The following CCDC73 variants were observed in gnomAD, a reference collection of about 807,000 sequenced individuals.
CCDC73 encodes coiled-coil domain-containing protein 73.
In CCDC73, 95 loss-of-function variants were observed where a neutral mutation model predicts 116.5. The ratio of observed to expected loss-of-function variants is 0.82; its 90% CI spans 0.69 to 0.97. The LOEUF is 0.97. CCDC73 is among the 50% of genes least tolerant of loss of function. The pLI is 0.00. For missense variants in CCDC73, 1,066 were observed against 1,206.8 expected (o/e 0.88, Z 1.73); for synonymous variants, 398 against 401.3 (o/e 0.99, Z 0.10).
rs186724357 is a variant in CCDC73 at position 32,669,607 on chromosome 11, G to A, written c.645+5958C>T. On this transcript the variant is annotated intron_variant, in intron 9 of 17. Transcript: ENST00000335185. The stretch of plus-strand genomic sequence containing the variant: ...ACCACACCCATCTTCCCCCCACCCC[G>A]CCCCTCACTACATTTCCCAGGCTCT... Among the ~76,000 whole-genome samples, 20 of 111,876 alleles carry A rather than the reference G, an allele frequency of 1.8e-4. No homozygotes were observed. The East Asian group carries it at 2.3e-3, about 13-fold the overall frequency. The allele number at this position is 111,876 out of a possible 152,430, so 73.4% of individuals were successfully genotyped here.
At chr11:32,659,384 C>T (rs1855901676) in intron 9 of CCDC73, among the ~76,000 whole-genome samples, 1 of 152,152 alleles carries the variant, frequency 6.6e-6, no homozygotes. Context: ...TGTATGCCGT[C>T]ATGCACATGA....
At chr11:32,798,915 T>TGG (rs35135170), upstream of CCDC73, among the ~76,000 whole-genome samples, 4,966 of 142,998 alleles carry the variant, frequency 0.035, 173 homozygotes, top group African/African-American at 0.074. Flanking sequence ...TTGTTTGTTT[T>TGG]GGGGGGGGGC....
chr11:32,776,993 AT>A (rs1850541560), intron 1 of CCDC73, among the ~76,000 whole-genome samples: 1 of 38,908 alleles, frequency 2.6e-5, no homozygotes, highest in African/African-American at 1.1e-4. Flanking sequence ...ACACATGTAT[AT>A]ATATATATAT....
chr11:32,755,940 TCC>T (rs1490770563), intron 2 of CCDC73, among the ~76,000 whole-genome samples: 5 of 13,620 alleles, frequency 3.7e-4, no homozygotes, highest in African/African-American at 1.2e-3. Context: ...TATATATATC[TCC>T]ATATATATAT....
chr11:32,699,256 G>C lies in CCDC73; in HGVS notation c.385C>G (p.Leu129Val), dbSNP rs1267595342. The change falls in exon 6 of 18, where the codon CTA becomes GTA. Residue 129 changes from leucine to valine, a missense_variant. Physicochemically the swap from Leu to Val is conservative, Grantham distance 32. Transcript: ENST00000335185. ...CAATACGTAGTTATTTTTACCTGTA[G>C]TGCTTTTAATGTTTCCTTCAATCCT... is the stretch of plus-strand genomic sequence containing the variant. ...IEGLKETLKA[L>V]QVSKYSLQKK... The C allele has an allele frequency of 2.5e-6, 4 of 1,580,452 alleles. No individual in the cohort carries two copies. The African/African-American group carries it at 5.4e-5, about 21-fold the overall frequency.
At chr11:32,648,603 G>A (rs1855799842) in intron 12 of CCDC73, among the ~76,000 whole-genome samples, 1 of 151,462 alleles carries the variant, frequency 6.6e-6, no homozygotes, top group South Asian at 2.1e-4. Context: ...CCAGGCTGGA[G>A]TGCAGTGGTG....
intron 2 of CCDC73, among the ~76,000 whole-genome samples, chr11:32,730,159 T>A (rs1850062800): frequency 1.3e-5 from 2 of 152,340 alleles, no homozygotes; most frequent in East Asian, 3.9e-4. Context: ...ATTTTACAGG[T>A]TTGACAGAAG....
Position 32,683,588 on chromosome 11 carries a change from G to A in CCDC73, c.391-14C>T. 4 of 1,431,044 alleles carry A rather than the reference G, an allele frequency of 2.8e-6. No individual in the cohort carries two copies. Among genetic ancestry groups the A allele is most frequent in the Middle Eastern group, 2.5e-4 (1 of 4,068 alleles). 88.6% of individuals were successfully genotyped at this position (1,431,044 alleles called of 1,614,324 possible). On this transcript the variant is annotated splice_polypyrimidine_tract_variant and intron_variant, in intron 6 of 17. Coordinates refer to ENST00000335185, the MANE Select transcript of CCDC73 (RefSeq NM_001008391.4). ...GTATTTAGAAACCTTGAAAAATAAG[G>A]GGGAAAAATCTCATTAAAATACTTT...
intron 10 of CCDC73, among the ~76,000 whole-genome samples, chr11:32,654,252 C>A (rs1352795383): frequency 6.6e-6 from 1 of 152,220 alleles, no homozygotes; most frequent in African/African-American, 2.4e-5. Context: ...TGGCTCACTG[C>A]AACCTCCACC....
At chr11:32,616,197 GATA>G in intron 14 of CCDC73, 68 bp from the exon 15 acceptor site, 1 of 1,392,530 alleles carries the variant, frequency 7.2e-7, no homozygotes, top group Non-Finnish European at 9.6e-7. Context: ...GAGCAAATGT[GATA>G]AATGTGGAAT....
chr11:32,784,283 C>G (rs1206718692), intron 1 of CCDC73, among the ~76,000 whole-genome samples: 1 of 151,306 alleles, frequency 6.6e-6, no homozygotes, highest in Non-Finnish European at 1.5e-5. Context: ...GAGCCAAGAT[C>G]GCGCCACTGC....
At chr11:32,823,793 G>A in the CCDC73 span, among the ~76,000 whole-genome samples, 13 of 152,190 alleles carry the variant, frequency 8.5e-5, no homozygotes, top group African/African-American at 3.1e-4. Context: ...AAGCTGGAGT[G>A]CAGTGGTGCA....
chr11:32,785,090 C>T (rs1288845837), intron 1 of CCDC73, among the ~76,000 whole-genome samples: 2 of 151,902 alleles, frequency 1.3e-5, no homozygotes, highest in East Asian at 1.9e-4. Flanking sequence ...CACTTGAACC[C>T]GGGAGGTAGA....
chr11:32,801,640 CA>C, the CCDC73 span, among the ~76,000 whole-genome samples: 23,674 of 130,122 alleles, frequency 0.18, 2,045 homozygotes, highest in African/African-American at 0.26. Flanking sequence ...GACTCCATCT[CA>C]AAAAAAAAAA....
intron 9 of CCDC73, among the ~76,000 whole-genome samples, chr11:32,664,427 G>A (rs1855960491): frequency 6.6e-6 from 1 of 152,150 alleles, no homozygotes; most frequent in South Asian, 2.1e-4. Context: ...ATGTGTCCAG[G>A]AATTTATTCA....
chr11:32,736,475 CAGTT>C (rs1850129967), intron 2 of CCDC73, among the ~76,000 whole-genome samples: 1 of 152,176 alleles, frequency 6.6e-6, no homozygotes, highest in South Asian at 2.1e-4. Flanking sequence ...CATCTCACAT[CAGTT>C]AGAACGGCGA....
chr11:32,784,069 C>T (rs1319191455), intron 1 of CCDC73, among the ~76,000 whole-genome samples: 2 of 152,202 alleles, frequency 1.3e-5, no homozygotes, highest in Non-Finnish European at 2.9e-5. Flanking sequence ...GTGGCCCACG[C>T]CTATAATCTC....
rs530542301 is a variant in CCDC73, at chr11:32,734,973, T to A, written c.136-16826A>T. On this transcript the variant is annotated intron_variant, in intron 2 of 17. Coordinates refer to ENST00000335185, the MANE Select transcript of CCDC73 (RefSeq NM_001008391.4). The stretch of plus-strand genomic sequence containing the variant: ...GGCCTTTGACAAAATTCAACAGCCT[T>A]TCATGCTAAAAACTCTCAATAAATT... 9.2e-3 allele frequency among the ~76,000 whole-genome samples: 1,399 copies of A among 152,302 alleles called. 12 individuals carry two copies. Among genetic ancestry groups the A allele is most frequent in the Middle Eastern group, 0.031 (9 of 294 alleles).
chr11:32,653,219 G>T lies in CCDC73; in HGVS notation c.843C>A (p.Ile281=). 6.2e-7 allele frequency: 1 copy of T among 1,602,498 alleles called. No homozygotes were observed. Among genetic ancestry groups the T allele is most frequent in the South Asian group, 1.1e-5 (1 of 89,960 alleles). ...ACTGCTGCATATGTTGGAAAGAAAT[G>T]ATGATATCCTTTGAAAATACACAAA... is the stretch of plus-strand genomic sequence containing the variant. ...THIQEEKQDI[I]ISFQHMQQLL... is the part of the protein sequence containing the mutation. Residue 281 remains isoleucine (I), a synonymous_variant, in exon 12 of 18, where the codon ATC becomes ATA. Coordinates refer to ENST00000335185, the MANE Select transcript of CCDC73 (RefSeq NM_001008391.4).
Sources: gnomAD v4.1 joint callset for allele counts (sites outside exome capture counted in the v4.1 genomes callset) on GRCh38, gnomAD v4.1.1 for gene constraint, MANE v1.5 for transcripts, NCBI Gene and HGNC (gene_info 2026-07-23, HGNC 2026-07-21) for gene names.